The following CDH4 variants were observed in gnomAD, a reference collection of about 807,000 sequenced individuals.
CDH4 encodes cadherin 4.
Under a neutral mutation model 86.0 loss-of-function variants are expected in CDH4, and 33 were observed. That is an observed-to-expected ratio of 0.38 (90% CI 0.29 to 0.51). CDH4 has a LOEUF of 0.51. CDH4 is among the 20% of genes least tolerant of loss of function. CDH4 has a pLI of 0.86. For synonymous variants in CDH4, 555 were observed against 549.4 expected (o/e 1.01, Z -0.14); for missense variants, 1,114 against 1,307.4 (o/e 0.85, Z 2.28).
At chr20:61,384,435 C>G (rs543309357) in intron 2 of CDH4, among the ~76,000 whole-genome samples, 39 of 152,274 alleles carry the variant, frequency 2.6e-4, no homozygotes, top group African/African-American at 9.2e-4. Context: ...TAGAGAAGGC[C>G]GTGCTTCCAC....
intron 2 of CDH4, among the ~76,000 whole-genome samples, chr20:61,625,848 A>T (rs2086825633): frequency 6.6e-6 from 1 of 152,218 alleles, no homozygotes; most frequent in Non-Finnish European, 1.5e-5. Flanking sequence ...GGAGACTGTG[A>T]CCTACCAGGG....
chr20:61,522,174 T>G (rs1188569400), intron 2 of CDH4, among the ~76,000 whole-genome samples: 6 of 152,138 alleles, frequency 3.9e-5, no homozygotes, highest in Non-Finnish European at 8.8e-5. Flanking sequence ...TCCACCTCCG[T>G]CCTCTGAGGT....
At chr20:61,503,853 A>C (rs10211777) in intron 2 of CDH4, among the ~76,000 whole-genome samples, 1 of 152,190 alleles carries the variant, frequency 6.6e-6, no homozygotes, top group Non-Finnish European at 1.5e-5. Flanking sequence ...TGTGAATTTC[A>C]TCTGAGGATT....
intron 2 of CDH4, among the ~76,000 whole-genome samples, chr20:61,294,380 A>G (rs555679954): frequency 1.3e-5 from 2 of 152,178 alleles, no homozygotes; most frequent in Non-Finnish European, 2.9e-5. Context: ...TGGTCTCGCC[A>G]TCTGGGAGGG....
intron 2 of CDH4, among the ~76,000 whole-genome samples, chr20:61,652,938 A>ATTTTTTTTTTTTTTTTTTTTTTTTTTT (rs763918382): frequency 3.1e-5 from 3 of 97,422 alleles, no homozygotes; most frequent in African/African-American, 6.7e-5. Context: ...TTATTTATTT[A>ATTTTTTTTTTTTTTTTTTTTTTTTTTT]TTTTTTTTTT....
At chr20:61,721,329 G>A (rs2088038782) in intron 2 of CDH4, among the ~76,000 whole-genome samples, 1 of 152,164 alleles carries the variant, frequency 6.6e-6, no homozygotes, top group Non-Finnish European at 1.5e-5. Flanking sequence ...TTAAGGCCAG[G>A]CATGGTTGGC....
At chr20:61,435,683 G>A (rs1201994803) in intron 2 of CDH4, 2 of 152,394 alleles carry the variant, frequency 1.3e-5, no homozygotes, top group Non-Finnish European at 2.9e-5. Context: ...GCACCTGCAG[G>A]AGGCCAGAGC....
chr20:61,873,685 G>A (rs764269549), intron 6 of CDH4, 43 bp from the exon 7 acceptor site: 34 of 1,592,432 alleles, frequency 2.1e-5, no homozygotes, highest in Non-Finnish European at 2.7e-5. Context: ...GTGGCAGCCT[G>A]TGTGGCAGGC....
chr20:61,573,030 T>TGGATGGATGGTTGGATGGATGGA (rs2086355166), intron 2 of CDH4, among the ~76,000 whole-genome samples: 1 of 140,340 alleles, frequency 7.1e-6, no homozygotes, highest in African/African-American at 2.8e-5. Flanking sequence ...GGATGGATGG[T>TGGATGGATGGTTGGATGGATGGA]TGGATGGATG....
intron 2 of CDH4, among the ~76,000 whole-genome samples, chr20:61,543,167 C>G (rs530697791): frequency 6.6e-6 from 1 of 152,336 alleles, no homozygotes; most frequent in South Asian, 2.1e-4. Flanking sequence ...CTGGGTCTGC[C>G]TCTTCCAGTC....
At chr20:61,318,786 C>A (rs1331122588) in intron 2 of CDH4, among the ~76,000 whole-genome samples, 1 of 152,240 alleles carries the variant, frequency 6.6e-6, no homozygotes, top group African/African-American at 2.4e-5. Flanking sequence ...CCTGGATATG[C>A]ACTGATTGAG....
chr20:61,925,834 C>T (rs1206409826), intron 11 of CDH4, among the ~76,000 whole-genome samples: 1 of 152,164 alleles, frequency 6.6e-6, no homozygotes, highest in Non-Finnish European at 1.5e-5. Flanking sequence ...TTCTGGCAAA[C>T]AGAAGGCCTT....
intron 2 of CDH4, among the ~76,000 whole-genome samples, chr20:61,667,586 C>A (rs2145840747): frequency 6.6e-6 from 1 of 152,298 alleles, no homozygotes; most frequent in East Asian, 1.9e-4. Context: ...CACGTGTGCC[C>A]CCACACACAC....
chr20:61,778,117 A>G (rs1038036214), intron 4 of CDH4, among the ~76,000 whole-genome samples: 5 of 152,100 alleles, frequency 3.3e-5, no homozygotes, highest in African/African-American at 7.2e-5. Context: ...TTGAATTCTT[A>G]TCTAGCACAG....
At chr20:61,826,037 G>A (rs564225273) in intron 4 of CDH4, among the ~76,000 whole-genome samples, 3 of 152,200 alleles carry the variant, frequency 2.0e-5, no homozygotes, top group South Asian at 2.1e-4. Flanking sequence ...TGTTATTGCC[G>A]CAGCCTCCTC....
chr20:61,817,369 A>G (rs890107973), intron 4 of CDH4, among the ~76,000 whole-genome samples: 2 of 152,112 alleles, frequency 1.3e-5, no homozygotes, highest in Admixed American at 1.3e-4. Flanking sequence ...CTCTGGGCTT[A>G]GCCTACCCAG....
At chr20:61,832,083 C>G (rs552604994) in intron 4 of CDH4, among the ~76,000 whole-genome samples, 1 of 152,240 alleles carries the variant, frequency 6.6e-6, no homozygotes, top group Admixed American at 6.5e-5. Flanking sequence ...GTACCCATTC[C>G]AACCTCCAGC....
intron 2 of CDH4, among the ~76,000 whole-genome samples, chr20:61,670,700 G>C (rs1464995465): frequency 6.6e-6 from 1 of 152,334 alleles, no homozygotes; most frequent in African/African-American, 2.4e-5. Context: ...GGTTTGTGAG[G>C]ATTCCCATGA....
Position 61,807,323 on chromosome 20 carries a change from C to T in CDH4, c.576+34141C>T, listed in dbSNP as rs1980190583. Among the ~76,000 whole-genome samples, 1 of 152,212 alleles carries T rather than the reference C, an allele frequency of 6.6e-6. No homozygotes were observed. Among genetic ancestry groups the T allele is most frequent in the Admixed American group, 6.5e-5 (1 of 15,282 alleles). On this transcript the variant is annotated intron_variant, in intron 4 of 15. Coordinates refer to ENST00000614565, the MANE Select transcript of CDH4 (RefSeq NM_001794.5). The surrounding 1 kb of genome is among the most constrained non-coding windows in gnomAD (Gnocchi z 4.5). ...GCCAGACCCAGCCTTGCTGTGGCCC[C>T]GCTGGGGTCTTTGGATCTCAGGAGA...
Sources: allele counts gnomAD v4.1 joint callset (sites outside exome capture counted in the v4.1 genomes callset), GRCh38; gene constraint gnomAD v4.1.1; non-coding constraint Gnocchi (gnomAD v3.1); transcripts MANE v1.5; gene names NCBI Gene and HGNC (gene_info 2026-07-23, HGNC 2026-07-21).